Variants in FBXW7 observed in about 807,000 individuals in gnomAD.
FBXW7 encodes F-box/WD repeat-containing protein 7.
FBXW7 carries 11 observed loss-of-function variants against 86.3 expected under a neutral mutation model. That is an observed-to-expected ratio of 0.13 (90% CI 0.08 to 0.21). FBXW7 has a LOEUF of 0.21. FBXW7 is among the 10% of genes least tolerant of loss of function. The pLI is 1.00. For missense variants in FBXW7, 488 were observed against 847.4 expected (o/e 0.58, Z 5.27); for synonymous variants, 313 against 297.9 (o/e 1.05, Z -0.52).
chr4:152,482,286 C>G (rs972743046), intron 2 of FBXW7, among the ~76,000 whole-genome samples: 10 of 152,194 alleles, frequency 6.6e-5, no homozygotes, highest in African/African-American at 2.4e-4. Context: ...ATTTTTTAAA[C>G]ATGTTATTAC....
At chr4:152,424,868 AT>A (rs1739244675) in intron 2 of FBXW7, among the ~76,000 whole-genome samples, 1 of 152,242 alleles carries the variant, frequency 6.6e-6, no homozygotes, top group African/African-American at 2.4e-5. Context: ...CTTTCTTGAA[AT>A]TTAAAATAAA....
intron 7 of FBXW7, among the ~76,000 whole-genome samples, chr4:152,335,251 A>G (rs1475426566): frequency 6.6e-6 from 1 of 152,170 alleles, no homozygotes; most frequent in African/African-American, 2.4e-5. Flanking sequence ...TGGAGTCCTC[A>G]TGAATGGAAT....
chr4:152,501,769 T>C (rs1249419819), intron 2 of FBXW7, among the ~76,000 whole-genome samples: 2 of 152,120 alleles, frequency 1.3e-5, no homozygotes, highest in East Asian at 3.8e-4. Flanking sequence ...AAAATTACTC[T>C]CTTTTTTTGG....
Position 152,454,560 on chromosome 4 carries a change from T to C in FBXW7, c.-119-42031A>G, listed in dbSNP as rs569532230. 5.9e-5 allele frequency among the ~76,000 whole-genome samples: 9 copies of C among 151,992 alleles called. No homozygotes were observed. In the East Asian group the frequency reaches 1.5e-3, roughly 26 times the overall value. Reference sequence around the variant, plus strand: ...ATTTTCAAACACTGGTTGAACTGAATGCAAAAAAAATTTAACAGGGTGCAA... The same window carrying C: ...ATTTTCAAACACTGGTTGAACTGAACGCAAAAAAAATTTAACAGGGTGCAA... On this transcript the variant is annotated intron_variant, in intron 2 of 13. Transcript: ENST00000281708.
intron 4 of FBXW7, among the ~76,000 whole-genome samples, chr4:152,393,559 G>C (rs1736170398): frequency 6.6e-6 from 1 of 152,122 alleles, no homozygotes; most frequent in Admixed American, 6.6e-5. Context: ...CCCTAAGACA[G>C]ATGGCAGCAT....
chr4:152,347,037 T>C lies in FBXW7; in HGVS notation c.619A>G (p.Thr207Ala), dbSNP rs2126636011. The C allele has an allele frequency of 6.2e-7, 1 of 1,612,844 alleles. No individual in the cohort carries two copies. The highest frequency in any genetic ancestry group is 8.5e-7 in the Non-Finnish European group (1 of 1,179,616). ...TGLVPCSATP[T>A]TFGDLRAANG... ...GCTGCTCTGAGGTCCCCAAAAGTTG[T>C]TGGTGTTGCTGAACATGGTACAAGC... is the stretch of plus-strand genomic sequence containing the variant. The change falls in exon 6 of 14, where the codon ACA becomes GCA. Residue 207 changes from threonine to alanine, a missense_variant. Physicochemically the swap from Thr to Ala is moderately conservative, Grantham distance 58. This residue lies in a region of FBXW7 where 59 missense variants were observed against 137.9 expected (regional missense o/e 0.43). Coordinates refer to ENST00000281708, the MANE Select transcript of FBXW7 (RefSeq NM_001349798.2).
intron 2 of FBXW7, among the ~76,000 whole-genome samples, chr4:152,492,817 G>A (rs1745989350): frequency 6.6e-6 from 1 of 151,944 alleles, no homozygotes; most frequent in South Asian, 2.1e-4. Flanking sequence ...GGTAGATTAG[G>A]GTCAAATCAC....
At chr4:152,424,497 TA>T (rs2126926807) in intron 2 of FBXW7, among the ~76,000 whole-genome samples, 2 of 152,358 alleles carry the variant, frequency 1.3e-5, no homozygotes, top group African/African-American at 4.8e-5. Context: ...CATATTTATT[TA>T]AAACCATCAT....
In FBXW7 at chr4:152,500,496, CAAAAAAA is replaced by C. The variant is rs34375454; in HGVS notation, c.-120+34438_-120+34444del. Reference sequence around the variant, plus strand: ...CCTGAAGGTTTTGCTGCTTTGTCAGCAAAAAAAAAAAAAAAAAAAAAAAACTTTAAAA... The same window carrying C: ...CCTGAAGGTTTTGCTGCTTTGTCAGCAAAAAAAAAAAAAAAAACTTTAAAA... On this transcript the variant is annotated intron_variant, in intron 2 of 13. Transcript: ENST00000281708. 1.4e-3 allele frequency among the ~76,000 whole-genome samples: 105 copies of C among 73,096 alleles called. 1 individual carries two copies. Among genetic ancestry groups the C allele is most frequent in the African/African-American group, 3.1e-3 (68 of 22,014 alleles). 48.0% of individuals were successfully genotyped at this position (73,096 alleles called of 152,430 possible).
In FBXW7 at chr4:152,497,374, C is replaced by CACACACACACACACAG. The variant is rs1240252269; in HGVS notation, c.-120+37566_-120+37567insCTGTGTGTGTGTGTGT. Among the ~76,000 whole-genome samples, 626 of 143,562 alleles carry CACACACACACACACAG rather than the reference C, an allele frequency of 4.4e-3. 5 individuals are homozygous for CACACACACACACACAG. The highest frequency in any genetic ancestry group is 0.015 in the Middle Eastern group (4 of 260). 94.2% of individuals were successfully genotyped at this position (143,562 alleles called of 152,430 possible). The stretch of plus-strand genomic sequence containing the variant: ...ACACACACACACACACACACACACA[C>CACACACACACACACAG]ACTATGAGATACTTGCAATGCATAT... On this transcript the variant is annotated intron_variant, in intron 2 of 13. Coordinates refer to ENST00000281708, the MANE Select transcript of FBXW7 (RefSeq NM_001349798.2).
intron 2 of FBXW7, among the ~76,000 whole-genome samples, chr4:152,426,380 C>T (rs1579167891): frequency 2.0e-5 from 3 of 149,424 alleles, no homozygotes; most frequent in South Asian, 2.1e-4. Flanking sequence ...TAAACAGTCT[C>T]GCTCTGTTGC....
At chr4:152,510,922 A>G (rs1386965229) in intron 2 of FBXW7, among the ~76,000 whole-genome samples, 2 of 152,092 alleles carry the variant, frequency 1.3e-5, no homozygotes, top group Non-Finnish European at 2.9e-5. Context: ...TCCCCCACCA[A>G]TCTGAAATGC....
chr4:152,432,793 C>T (rs1740031406), intron 2 of FBXW7, among the ~76,000 whole-genome samples: 1 of 152,186 alleles, frequency 6.6e-6, no homozygotes, highest in Non-Finnish European at 1.5e-5. Context: ...GCCTGGGAAA[C>T]AGAGCGAGAC....
At chr4:152,504,708 A>C (rs1175486304) in intron 2 of FBXW7, among the ~76,000 whole-genome samples, 1 of 152,198 alleles carries the variant, frequency 6.6e-6, no homozygotes, top group Non-Finnish European at 1.5e-5. Context: ...AAACTTTATG[A>C]AATCTAAAGG....
chr4:152,331,524 T>C (rs979676619), intron 8 of FBXW7, among the ~76,000 whole-genome samples: 5 of 151,934 alleles, frequency 3.3e-5, no homozygotes, highest in Non-Finnish European at 7.4e-5. Context: ...GTCAAACTCA[T>C]AGAGACAGAA....
At chr4:152,521,584 A>G (rs1749016938) in intron 2 of FBXW7, among the ~76,000 whole-genome samples, 1 of 152,154 alleles carries the variant, frequency 6.6e-6, no homozygotes, top group South Asian at 2.1e-4. Flanking sequence ...AAATAGCAGA[A>G]AAGTCAGTAC....
intron 4 of FBXW7, among the ~76,000 whole-genome samples, chr4:152,380,779 T>C (rs1032391373): frequency 2.0e-5 from 3 of 152,104 alleles, no homozygotes; most frequent in Middle Eastern, 3.2e-3. Context: ...TATTAACATC[T>C]TAACCCTTTA....
intron 11 of FBXW7, among the ~76,000 whole-genome samples, 165 bp from the exon 12 acceptor site, chr4:152,326,396 T>C (rs1729022396): frequency 1.3e-5 from 2 of 151,550 alleles, no homozygotes; most frequent in African/African-American, 4.8e-5. Flanking sequence ...TGTAAAACCT[T>C]GGTATATAAA....
intron 4 of FBXW7, among the ~76,000 whole-genome samples, chr4:152,370,855 C>T (rs1386505845): frequency 6.6e-6 from 1 of 150,988 alleles, no homozygotes; most frequent in Non-Finnish European, 1.5e-5. Flanking sequence ...TCCCCCATTC[C>T]TAAATTGCAA....
Sources: gnomAD v4.1 joint callset for allele counts (sites outside exome capture counted in the v4.1 genomes callset) on GRCh38, gnomAD v4.1.1 for gene constraint, gnomAD v4.1.1 regional missense constraint, MANE v1.5 for transcripts, NCBI Gene and HGNC (gene_info 2026-07-23, HGNC 2026-07-21) for gene names.